Variants in ABTB3 observed in about 807,000 individuals in gnomAD.
ABTB3 encodes ankyrin repeat- and BTB/POZ domain-containing protein 3.
chr12:107,452,607 AG>A, the ABTB3 span, among the ~76,000 whole-genome samples: 2 of 152,076 alleles, frequency 1.3e-5, no homozygotes, highest in Non-Finnish European at 2.9e-5. Context: ...TCCCGGGCCA[AG>A]GGGGGTGGAT....
chr12:107,376,916 C>T, the ABTB3 span, among the ~76,000 whole-genome samples: 1 of 152,080 alleles, frequency 6.6e-6, no homozygotes, highest in Non-Finnish European at 1.5e-5. Context: ...GAGCCCAGGC[C>T]CGTCTGAGTC....
At chr12:107,391,662 A>T in the ABTB3 span, among the ~76,000 whole-genome samples, 1 of 152,206 alleles carries the variant, frequency 6.6e-6, no homozygotes, top group Non-Finnish European at 1.5e-5. Flanking sequence ...TTCCTTTCAT[A>T]TAATGAGAAA....
At chr12:107,394,169 T>C in the ABTB3 span, among the ~76,000 whole-genome samples, 3 of 152,136 alleles carry the variant, frequency 2.0e-5, no homozygotes, top group Admixed American at 2.0e-4. Flanking sequence ...CATGCACACA[T>C]CATCTTGCGT....
chr12:107,319,954 T>A, the ABTB3 span: 1 of 1,575,792 alleles, frequency 6.3e-7, no homozygotes, highest in Non-Finnish European at 8.6e-7. Flanking sequence ...ACCACCACCA[T>A]GCGCTCCACG....
At chr12:107,365,236 C>T in the ABTB3 span, among the ~76,000 whole-genome samples, 141 of 152,250 alleles carry the variant, frequency 9.3e-4, no homozygotes, top group Non-Finnish European at 1.5e-3. Context: ...GTTTGCAAAA[C>T]GTGATACAAA....
chr12:107,629,949 A>C, the ABTB3 span, among the ~76,000 whole-genome samples: 2 of 151,994 alleles, frequency 1.3e-5, no homozygotes, highest in Non-Finnish European at 2.9e-5. Context: ...GATACGAATG[A>C]CACCACCCCT....
chr12:107,351,703 G>A, the ABTB3 span, among the ~76,000 whole-genome samples: 1 of 152,238 alleles, frequency 6.6e-6, no homozygotes, highest in East Asian at 1.9e-4. Context: ...ACCAGATGCA[G>A]CCCCTTGATC....
At chr12:107,456,607 T>C in the ABTB3 span, among the ~76,000 whole-genome samples, 1 of 152,064 alleles carries the variant, frequency 6.6e-6, no homozygotes, top group African/African-American at 2.4e-5. Context: ...TTATATATTA[T>C]AATGTAATAA....
the ABTB3 span, among the ~76,000 whole-genome samples, chr12:107,357,118 T>C: frequency 1.3e-5 from 2 of 152,218 alleles, no homozygotes; most frequent in East Asian, 3.8e-4. Flanking sequence ...GAAATGTCAC[T>C]GTACTTGTTC....
the ABTB3 span, among the ~76,000 whole-genome samples, chr12:107,454,628 G>A: frequency 1.3e-5 from 2 of 152,178 alleles, no homozygotes; most frequent in South Asian, 2.1e-4. Flanking sequence ...GCAGGCCCAG[G>A]TGCAGTGGGC....
the ABTB3 span, among the ~76,000 whole-genome samples, chr12:107,460,039 C>T: frequency 2.0e-5 from 3 of 152,232 alleles, no homozygotes; most frequent in African/African-American, 7.2e-5. Flanking sequence ...TGGTGCCCTG[C>T]TACATCAGTG....
the ABTB3 span, among the ~76,000 whole-genome samples, chr12:107,372,624 G>T: frequency 6.6e-6 from 1 of 152,186 alleles, no homozygotes; most frequent in African/African-American, 2.4e-5. Context: ...GCTCAGCTGC[G>T]TGGACTTCCT....
the ABTB3 span, chr12:107,544,154 G>T: frequency 6.2e-7 from 1 of 1,612,000 alleles, no homozygotes; most frequent in Non-Finnish European, 8.5e-7. Flanking sequence ...GAACTGCCTT[G>T]CCTTGCCTTG....
At chr12:107,432,170 C>T in the ABTB3 span, among the ~76,000 whole-genome samples, 7,764 of 152,200 alleles carry the variant, frequency 0.051, 638 homozygotes, top group African/African-American at 0.18. Context: ...CAACACAGAG[C>T]GTGTATGACC....
At chr12:107,657,496 C>T in the ABTB3 span, 13 of 1,612,150 alleles carry the variant, frequency 8.1e-6, no homozygotes, top group Non-Finnish European at 1.1e-5. Flanking sequence ...CATTTCCTCT[C>T]CACTCTCCAC....
chr12:107,506,683 C>A, the ABTB3 span, among the ~76,000 whole-genome samples: 18 of 152,296 alleles, frequency 1.2e-4, no homozygotes. Flanking sequence ...TTGTACATTT[C>A]TTTGTGGGAT....
the ABTB3 span, among the ~76,000 whole-genome samples, chr12:107,384,581 G>A: frequency 1.3e-5 from 2 of 152,198 alleles, no homozygotes; most frequent in Admixed American, 1.3e-4. Context: ...TGCAGAACTG[G>A]ACAGAGAGAG....
the ABTB3 span, among the ~76,000 whole-genome samples, chr12:107,498,558 A>G: frequency 6.6e-6 from 1 of 152,156 alleles, no homozygotes; most frequent in African/African-American, 2.4e-5. Flanking sequence ...TGCCTTTTCC[A>G]GCTTCTAGAG....
chr12:107,602,926 G>A, the ABTB3 span, among the ~76,000 whole-genome samples: 4 of 152,146 alleles, frequency 2.6e-5, no homozygotes, highest in African/African-American at 7.2e-5. Flanking sequence ...CCTATCTCTC[G>A]GGGCTGGGGC....
Sources: gnomAD v4.1 joint callset for allele counts (sites outside exome capture counted in the v4.1 genomes callset) on GRCh38, gnomAD v4.1.1 for gene constraint, MANE v1.5 for transcripts, NCBI Gene and HGNC (gene_info 2026-07-23, HGNC 2026-07-21) for gene names.